The following ARAP1 variants were observed in gnomAD, a reference collection of about 807,000 sequenced individuals.
ARAP1 encodes the protein ArfGAP with RhoGAP domain, ankyrin repeat and PH domain 1.
A neutral mutation model predicts 172.2 loss-of-function variants in ARAP1; 76 were observed. The ratio of observed to expected loss-of-function variants is 0.44; its 90% confidence interval spans 0.37 to 0.53. ARAP1 has a LOEUF of 0.53. ARAP1 is among the 20% of genes least tolerant of loss of function. ARAP1 has a pLI of 0.00. For missense variants in ARAP1, 1,686 were observed against 1,977.5 expected, an observed-to-expected ratio of 0.85 and a Z score of 2.80; for synonymous variants, 804 against 803.3, an observed-to-expected ratio of 1.00 and a Z score of -0.01.
At chr11:72,703,895 A>G (rs1856630925) in intron 14 of ARAP1, 1 of 525,726 alleles carries the variant, frequency 1.9e-6, no homozygotes, top group Non-Finnish European at 3.4e-6. Context: ...GGTGCAGGAG[A>G]CTGAGGAATT....
At position 72,697,605 on chromosome 11, in the gene ARAP1, G is replaced by A; in HGVS notation, c.2782C>T (p.Arg928Ter). The A allele has an allele frequency of 6.2e-7, 1 of 1,614,080 alleles. No individual in the cohort carries two copies. Among genetic ancestry groups the A allele is most frequent in the Non-Finnish European group, 8.5e-7 (1 of 1,179,986 alleles). Residue 928 changes from arginine to a stop codon, truncating the protein, a stop_gained, in exon 20 of 35, where the codon CGA becomes TGA. Coordinates refer to ENST00000393609, the MANE Select transcript of ARAP1 (RefSeq NM_001040118.3). LOFTEE classifies it high-confidence loss of function. ...AGGGAGGCCGTGGCTCACCTCCTTC[G>A]CTCCACCAGCACCAGCACCTGGTTC... ...SENQVLVLVE[R>*]RRTLYIQGER...
chr11:72,741,016 A>G lies in ARAP1; in HGVS notation c.-127-8419T>C, dbSNP rs1858178596. ...TGCAAATAAATGAAGCTGAAAGTTAAATGGTTTGGTTTTAGGCTTTGTCAA... is the reference window on the plus strand; with the variant it reads ...TGCAAATAAATGAAGCTGAAAGTTAGATGGTTTGGTTTTAGGCTTTGTCAA... On this transcript the variant is annotated intron_variant, in intron 1 of 34. Coordinates refer to ENST00000393609, the MANE Select transcript of ARAP1 (RefSeq NM_001040118.3). The surrounding 1 kb of genome is among the most constrained non-coding windows in gnomAD (Gnocchi z 4.5). Among the ~76,000 whole-genome samples, 1 of 152,000 alleles carries G rather than the reference A, an allele frequency of 6.6e-6. No homozygotes were observed. Among genetic ancestry groups the G allele is most frequent in the Admixed American group, 6.5e-5 (1 of 15,270 alleles).
At chr11:72,718,658 C>T (rs952011271) in intron 3 of ARAP1, among the ~76,000 whole-genome samples, 3 of 152,258 alleles carry the variant, frequency 2.0e-5, no homozygotes, top group Non-Finnish European at 2.9e-5. Flanking sequence ...CCACTATTCC[C>T]GAGAGACTAG....
In ARAP1 at chr11:72,693,615, C is replaced by A; in HGVS notation, c.3808+77G>T. 1 of 1,532,444 alleles carries A rather than the reference C, an allele frequency of 6.5e-7. No individual in the cohort carries two copies. The allele number at this position is 1,532,444 out of a possible 1,614,324, so 94.9% of individuals were successfully genotyped here. On this transcript the variant is annotated intron_variant, in intron 28 of 34. Transcript: ENST00000393609. The surrounding 1 kb of genome is among the most constrained non-coding windows in gnomAD (Gnocchi z 4.6). Reference sequence around the variant, plus strand: ...CGCCCTCTGTCTGAGCTGTTCCTACCTGGCACCACCAGGTCCCACCCTGGC... The same window carrying A: ...CGCCCTCTGTCTGAGCTGTTCCTACATGGCACCACCAGGTCCCACCCTGGC...
At chr11:72,714,101 G>C (rs1367184550) in intron 4 of ARAP1, 51 bp downstream of exon 4, 2 of 1,399,304 alleles carry the variant, frequency 1.4e-6, no homozygotes, top group Non-Finnish European at 1.9e-6. Flanking sequence ...CCTGATTCCA[G>C]GGATCCCAGG....
intron 31 of ARAP1, 146 bp downstream of exon 31, chr11:72,688,309 C>A: frequency 1.5e-6 from 1 of 669,402 alleles, no homozygotes; most frequent in Non-Finnish European, 2.6e-6. Context: ...AAGGTGTGTC[C>A]AGGTGATGCT....
intron 19 of ARAP1, 76 bp from the exon 20 acceptor site, chr11:72,697,725 A>G: frequency 2.5e-6 from 4 of 1,585,982 alleles, no homozygotes; most frequent in Non-Finnish European, 3.4e-6. Flanking sequence ...CTGTGAGCAC[A>G]CACACACCCT....
chr11:72,722,171 G>A, intron 3 of ARAP1: 1 of 980,428 alleles, frequency 1.0e-6, no homozygotes, highest in Non-Finnish European at 1.2e-6. Flanking sequence ...GAGAGAGAGA[G>A]AAAGACAGAG....
chr11:72,704,680 A>G (rs550824855), intron 13 of ARAP1: 41 of 264,154 alleles, frequency 1.6e-4, no homozygotes, highest in African/African-American at 8.8e-4. Flanking sequence ...ACAGCTGGGG[A>G]TGGGTGCCTA....
In ARAP1 at chr11:72,726,868, G is replaced by A. The variant is rs1339423146; in HGVS notation, c.261C>T (p.His87=). The part of the protein sequence containing the change: ...PTPRPVPMKR[H]IFRSPPVPAT... ...CAGGCACAGGTGGTGAGCGGAAGAT[G>A]TGGCGCTTCATGGGCACAGGCCGTG... The change falls in exon 3 of 35, where the codon CAC becomes CAT. Residue 87 remains histidine (H), a synonymous_variant. Transcript: ENST00000393609. This position sits in a 1 kb window ranked among gnomAD's most constrained non-coding sequence, Gnocchi z 6.5. 2 of 1,568,496 alleles carry A rather than the reference G, an allele frequency of 1.3e-6. No individual in the cohort carries two copies. The highest frequency in any genetic ancestry group is 1.9e-5 in the Admixed American group (1 of 53,330).
At chr11:72,694,926 C>T (rs968625372) in intron 27 of ARAP1, 54 bp downstream of exon 27, 2 of 1,518,320 alleles carry the variant, frequency 1.3e-6, no homozygotes, top group South Asian at 1.1e-5. Context: ...ACTGGGGCTA[C>T]AGCTGAGACA....
In ARAP1 at chr11:72,711,629, G is replaced by T. The variant is rs557307718; in HGVS notation, c.1023-130C>A. ...TTCTAGGGAGGAAGAATCCCAAATG[G>T]CCACTGGCAAGAAGATGGACTTTAC... On this transcript the variant is annotated intron_variant, in intron 7 of 34. Transcript: ENST00000393609. The T allele has an allele frequency of 9.8e-5, 68 of 692,262 alleles. No individual in the cohort carries two copies. In the South Asian group the frequency reaches 1.1e-3, roughly 12 times the overall value. The allele number at this position is 692,262 out of a possible 1,614,324, so 42.9% of individuals were successfully genotyped here. A position where few individuals can be genotyped will look rare whatever the true frequency, so the allele number is the denominator to read the frequency against.
rs756876924 is a variant in ARAP1, at chr11:72,686,130, C to T, written c.4247G>A (p.Arg1416Gln). ...SRVSRAVPEV[R>Q]LGSVSLIPLR... is the part of the protein sequence containing the mutation. ...GGGGATCAGTGACACACTACCCAGCCGGACCTCAGGCACTGCCCGGGACAC... is the reference window on the plus strand; with the variant it reads ...GGGGATCAGTGACACACTACCCAGCTGGACCTCAGGCACTGCCCGGGACAC... The change falls in exon 34 of 35, where the codon CGG becomes CAG. Residue 1416 changes from arginine (R) to glutamine (Q), a missense_variant. Arg to Gln is a conservative substitution (Grantham distance 43). Transcript: ENST00000393609. 6.8e-6 allele frequency: 11 copies of T among 1,613,902 alleles called. No individual in the cohort carries two copies. The highest frequency in any genetic ancestry group is 3.3e-4 in the Middle Eastern group (2 of 6,080).
At chr11:72,747,250 G>A (rs1332232006) in intron 1 of ARAP1, among the ~76,000 whole-genome samples, 1 of 152,196 alleles carries the variant, frequency 6.6e-6, no homozygotes. Flanking sequence ...GTGAGGATAA[G>A]GACAGGAGGG....
At chr11:72,714,064 G>T (rs950571566) in intron 4 of ARAP1, 88 bp downstream of exon 4, 1 of 1,317,016 alleles carries the variant, frequency 7.6e-7, no homozygotes, top group Non-Finnish European at 9.9e-7. Flanking sequence ...ACAGAAAGGA[G>T]TGTGATCCTT....
At chr11:72,692,626 G>T (rs1228005823) in intron 30 of ARAP1, 127 bp downstream of exon 30, 2 of 1,275,754 alleles carry the variant, frequency 1.6e-6, no homozygotes, top group Non-Finnish European at 1.1e-6. Flanking sequence ...CAGTGCCAAC[G>T]GGCAAGGGGG....
At chr11:72,742,828 G>A (rs959335301) in intron 1 of ARAP1, among the ~76,000 whole-genome samples, 55 of 152,194 alleles carry the variant, frequency 3.6e-4, no homozygotes, top group African/African-American at 1.3e-3. Context: ...AATCTGATCA[G>A]TTCTCACTCC....
At chr11:72,736,239 CTTTTT>C (rs61233618) in intron 1 of ARAP1, among the ~76,000 whole-genome samples, 1 of 132,374 alleles carries the variant, frequency 7.6e-6, no homozygotes, top group Non-Finnish European at 1.6e-5. Context: ...TTTTAGTTAC[CTTTTT>C]TTTTTTTTTT....
intron 1 of ARAP1, among the ~76,000 whole-genome samples, chr11:72,734,216 G>C (rs556968143): frequency 2.6e-5 from 4 of 151,910 alleles, no homozygotes; most frequent in Non-Finnish European, 5.9e-5. Flanking sequence ...CAACTCCCAG[G>C]CTCAAGCAAT....
Sources: gnomAD v4.1 joint callset for allele counts (sites outside exome capture counted in the v4.1 genomes callset) on GRCh38, gnomAD v4.1.1 for gene constraint, Gnocchi (gnomAD v3.1) non-coding constraint, MANE v1.5 for transcripts, NCBI Gene and HGNC (gene_info 2026-07-23, HGNC 2026-07-21) for gene names.